The following AKAP17A variants were observed in gnomAD, a reference collection of about 807,000 sequenced individuals.
AKAP17A encodes the protein A-kinase anchoring protein 17A.
Under a neutral mutation model 52.2 loss-of-function variants are expected in AKAP17A, and 15 were observed. The observed-to-expected ratio is 0.29, with a 90% confidence interval of 0.19 to 0.44. The LOEUF (loss-of-function observed/expected upper bound fraction) is 0.44, where lower values mean the gene tolerates loss of function less well. AKAP17A is among the 20% of genes least tolerant of loss of function. The pLI is 1.00. For synonymous variants in AKAP17A, 514 were observed against 424.7 expected, an observed-to-expected ratio of 1.21 and a Z score of -2.58; for missense variants, 1,060 against 1,007.0, an observed-to-expected ratio of 1.05 and a Z score of -0.71.
Position 1,602,216 on chromosome X carries a change from T to G in AKAP17A, c.*622T>G. The G allele has an allele frequency of 6.6e-6, 1 of 152,396 alleles. No individual in the cohort carries two copies. Among genetic ancestry groups the G allele is most frequent in the South Asian group, 2.1e-4 (1 of 4,824 alleles). The allele number at this position is 152,396 out of a possible 1,614,324, so 9.4% of individuals were successfully genotyped here. On this transcript the variant is annotated 3_prime_UTR_variant, in exon 5 of 5. Transcript: ENST00000313871. ...GGAGTGGTACAAAATGGTCTGATGC[T>G]CCTTCAAAAACATTCACTTTTTACA...
At chrX:1,597,370 C>G (rs1378605448) in intron 3 of AKAP17A, among the ~76,000 whole-genome samples, 3 of 152,308 alleles carry the variant, frequency 2.0e-5, no homozygotes, top group Middle Eastern at 6.8e-3. Flanking sequence ...TCAGGATTCC[C>G]AGGACCTAAG....
chrX:1,595,883 C>T (rs773755429), intron 3 of AKAP17A, among the ~76,000 whole-genome samples: 42 of 152,056 alleles, frequency 2.8e-4, no homozygotes, highest in African/African-American at 6.0e-4. Context: ...TGTGTGCATG[C>T]GTGTGTGCCT....
At chrX:1,596,890 C>G (rs776299318) in intron 3 of AKAP17A, among the ~76,000 whole-genome samples, 1 of 142,902 alleles carries the variant, frequency 7.0e-6, no homozygotes, top group South Asian at 2.3e-4. Flanking sequence ...TCCTCCTTCT[C>G]CGTCCCTCCC....
At chrX:1,594,565 A>G (rs1164547960) in intron 2 of AKAP17A, among the ~76,000 whole-genome samples, 1 of 151,972 alleles carries the variant, frequency 6.6e-6, no homozygotes, top group African/African-American at 2.4e-5. Context: ...CCTTGAAACC[A>G]GGGCTGAACG....
intron 1 of AKAP17A, among the ~76,000 whole-genome samples, chrX:1,592,683 C>A (rs1385600560): frequency 6.6e-6 from 1 of 152,122 alleles, no homozygotes; most frequent in Non-Finnish European, 1.5e-5. Flanking sequence ...AGGCGGTCAC[C>A]TGAGATGGTT....
rs778144751 is a variant in AKAP17A at position 1,599,240 on chromosome X, G to A, written c.960G>A (p.Glu320=). ...EELERERKRE[E]KLRKREQKQR... Reference sequence around the variant, plus strand: ...TGGAGCGAGAGAGGAAAAGAGAAGAGAAGCTTCGCAAGAGGGAGCAGAAGC... The same window carrying A: ...TGGAGCGAGAGAGGAAAAGAGAAGAAAAGCTTCGCAAGAGGGAGCAGAAGC... The change falls in exon 4 of 5, where the codon GAG becomes GAA. Residue 320 remains glutamate, a synonymous_variant. Coordinates refer to ENST00000313871, the MANE Select transcript of AKAP17A (RefSeq NM_005088.3). The A allele has an allele frequency of 1.2e-4, 186 of 1,612,590 alleles. 1 individual carries two copies. The highest frequency in any genetic ancestry group is 2.6e-5 in the Non-Finnish European group (31 of 1,179,868).
rs1158751068 is a variant in AKAP17A, at chrX:1,593,519, T to C, written c.57T>C (p.Ala19=). Reference sequence around the variant, plus strand: ...CTGAGGCCGTGGAGCTCTGCCCTGCTTACGGCTTGTACCTGAAGCCCATCA... The same window carrying C: ...CTGAGGCCGTGGAGCTCTGCCCTGCCTACGGCTTGTACCTGAAGCCCATCA... ...DTSEAVELCP[A]YGLYLKPITK... is the part of the protein sequence containing the mutation. The change falls in exon 2 of 5, where the codon GCT becomes GCC. Residue 19 remains alanine, a synonymous_variant. Coordinates refer to ENST00000313871, the MANE Select transcript of AKAP17A (RefSeq NM_005088.3). 2 of 1,613,594 alleles carry C rather than the reference T, an allele frequency of 1.2e-6. No individual in the cohort carries two copies. Among genetic ancestry groups the C allele is most frequent in the Admixed American group, 1.7e-5 (1 of 59,992 alleles).
chrX:1,596,634 C>T (rs1933001804), intron 3 of AKAP17A, among the ~76,000 whole-genome samples: 1 of 99,562 alleles, frequency 1.0e-5, no homozygotes, highest in Non-Finnish European at 2.0e-5. Context: ...CCTCCTCCTC[C>T]TCCATCCCTC....
At chrX:1,593,145 G>A (rs1201420725) in intron 1 of AKAP17A, among the ~76,000 whole-genome samples, 2 of 152,130 alleles carry the variant, frequency 1.3e-5, no homozygotes, top group African/African-American at 4.8e-5. Context: ...TATTCTGCAG[G>A]CCTTGGGAGC....
In AKAP17A at chrX:1,595,523, C is replaced by T. The variant is rs183475344; in HGVS notation, c.902C>T (p.Ala301Val). 223 of 1,613,774 alleles carry T rather than the reference C, an allele frequency of 1.4e-4. No homozygotes were observed. Among genetic ancestry groups the T allele is most frequent in the East Asian group, 7.1e-4 (32 of 44,874 alleles). The change falls in exon 3 of 5, where the codon GCG becomes GTG. Residue 301 changes from alanine to valine, a missense_variant. This residue lies in a region of AKAP17A where 793 missense variants were observed against 629.9 expected (regional missense o/e 1.26). Transcript: ENST00000313871. ...REKEAEERQR[A>V]EERKQKELEE... ...AAGGAAGCGGAGGAGAGGCAGCGAG[C>T]GGAGGAAAGGTACCTTCTGCGGGAG...
chrX:1,600,107 G>C (rs1404245412), intron 4 of AKAP17A: 1 of 1,286,210 alleles, frequency 7.8e-7, no homozygotes, highest in Non-Finnish European at 1.0e-6. Flanking sequence ...TCCAACGCGG[G>C]GCGACCCCAT....
Position 1,593,699 on chromosome X carries a change from C to G in AKAP17A, c.237C>G (p.Phe79Leu). The G allele has an allele frequency of 6.2e-7, 1 of 1,613,938 alleles. No individual in the cohort carries two copies. The highest frequency in any genetic ancestry group is 8.5e-7 in the Non-Finnish European group (1 of 1,179,868). ...ISKSTMDFIR[F>L]EGEVENKSLV... ...AGAGCACCATGGACTTCATCCGCTT[C>G]GAGGGGGAGGTGGAGAACAAGAGCC... The change falls in exon 2 of 5, where the codon TTC (phenylalanine) becomes TTG (leucine). Residue 79 changes from phenylalanine to leucine, a missense_variant. Around this residue, in one of 2 missense-constraint regions of AKAP17A, gnomAD observed 267 missense variants for 377.1 expected, o/e 0.71. Transcript: ENST00000313871.
chrX:1,601,407 C>G lies in AKAP17A; in HGVS notation c.1901C>G (p.Pro634Arg), dbSNP rs765175097. 2.6e-6 allele frequency: 4 copies of G among 1,563,642 alleles called. No individual in the cohort carries two copies. Among genetic ancestry groups the G allele is most frequent in the Non-Finnish European group, 3.4e-6 (4 of 1,162,474 alleles). The change falls in exon 5 of 5, where the codon CCC becomes CGC. Residue 634 changes from proline (P) to arginine (R), a missense_variant. This residue lies in a region of AKAP17A where 793 missense variants were observed against 629.9 expected (regional missense o/e 1.26). Transcript: ENST00000313871. ...AAGCACGCCTACAAGGATGACAGCC[C>G]CCGCCGGCGCAGCACGAGCCCGGAC... ...HKKHAYKDDS[P>R]RRRSTSPDHT...
At position 1,601,671 on chromosome X, in the gene AKAP17A, C is replaced by T; in HGVS notation, c.*77C>T. 7.7e-7 allele frequency: 1 copy of T among 1,306,570 alleles called. No individual in the cohort carries two copies. The highest frequency in any genetic ancestry group is 9.9e-7 in the Non-Finnish European group (1 of 1,014,162). The allele number at this position is 1,306,570 out of a possible 1,614,324, so 80.9% of individuals were successfully genotyped here. ...GAGCCTCCTGGCCGCTCCTTGGCCG[C>T]TCTCCGTCCACCCCTGCAAAGCCAA... On this transcript the variant is annotated 3_prime_UTR_variant, in exon 5 of 5. Coordinates refer to ENST00000313871, the MANE Select transcript of AKAP17A (RefSeq NM_005088.3).
At chrX:1,597,419 G>A (rs180833340) in intron 3 of AKAP17A, among the ~76,000 whole-genome samples, 216 of 152,302 alleles carry the variant, frequency 1.4e-3, no homozygotes, top group African/African-American at 5.1e-3. Flanking sequence ...GGGAGGGAGG[G>A]ACATGCTGCT....
At position 1,597,869 on chromosome X, in the gene AKAP17A, C is replaced by T. The variant is rs144663539; in HGVS notation, c.912-1323C>T. On this transcript the variant is annotated intron_variant, in intron 3 of 4. Transcript: ENST00000313871. ...GGTTCTCGAGAGCAGGATGGGGTGT[C>T]CAGAGCCCCGGGGAGGGGCAGGCCT... is the stretch of plus-strand genomic sequence containing the variant. Among the ~76,000 whole-genome samples, 436 of 151,842 alleles carry T rather than the reference C, an allele frequency of 2.9e-3. 3 individuals are homozygous for T. Among genetic ancestry groups the T allele is most frequent in the Middle Eastern group, 3.4e-3 (1 of 292 alleles).
rs1246271463 is a variant in AKAP17A, at chrX:1,600,837, G to A, written c.1331G>A (p.Ser444Asn). Residue 444 changes from serine to asparagine, a missense_variant, in exon 5 of 5, where the codon AGC (serine) becomes AAC (asparagine). Ser to Asn is a conservative substitution (Grantham distance 46, BLOSUM62 1). Around this residue, in one of 2 missense-constraint regions of AKAP17A, gnomAD observed 793 missense variants for 629.9 expected, o/e 1.26. Coordinates refer to ENST00000313871, the MANE Select transcript of AKAP17A (RefSeq NM_005088.3). ...GAGCGGCTGCTGAGCATCCTGCTGA[G>A]CAAGAAGCCGGACGACAGCCACACA... The part of the protein sequence containing the change: ...LRERLLSILL[S>N]KKPDDSHTHD... 2 of 1,592,298 alleles carry A rather than the reference G, an allele frequency of 1.3e-6. No homozygotes were observed. The highest frequency in any genetic ancestry group is 1.7e-5 in the Admixed American group (1 of 57,450).
At position 1,593,881 on chromosome X, in the gene AKAP17A, C is replaced by T. The variant is rs1309018515; in HGVS notation, c.419C>T (p.Thr140Ile). ...FFRDAKDMNE[T>I]LPGERPDTIH... ...CGCGACGCCAAGGACATGAACGAGA[C>T]CCTGCCGGGGGAGCGGCCGGACACC... The change falls in exon 2 of 5, where the codon ACC (threonine) becomes ATC (isoleucine). Residue 140 changes from threonine (T) to isoleucine (I), a missense_variant. This residue lies in a region of AKAP17A where 267 missense variants were observed against 377.1 expected (regional missense o/e 0.71). Coordinates refer to ENST00000313871, the MANE Select transcript of AKAP17A (RefSeq NM_005088.3). 2 of 1,612,474 alleles carry T rather than the reference C, an allele frequency of 1.2e-6. No homozygotes were observed. Among genetic ancestry groups the T allele is most frequent in the Non-Finnish European group, 1.7e-6 (2 of 1,179,036 alleles).
rs1932925328 is a variant in AKAP17A at position 1,595,314 on chromosome X, A to C, written c.763-70A>C. 7.5e-6 allele frequency: 12 copies of C among 1,599,684 alleles called. No individual in the cohort carries two copies. In the Admixed American group the frequency reaches 2.0e-4, roughly 27 times the overall value. ...AGGCCACTCGGCCCTACGGCCCAGGAGAGGGCGCCTGGCCGTGTGTCTGGG... is the reference window on the plus strand; with the variant it reads ...AGGCCACTCGGCCCTACGGCCCAGGCGAGGGCGCCTGGCCGTGTGTCTGGG... On this transcript the variant is annotated intron_variant, in intron 2 of 4. Transcript: ENST00000313871.
Sources: gnomAD v4.1 joint callset for allele counts (sites outside exome capture counted in the v4.1 genomes callset) on GRCh38, gnomAD v4.1.1 for gene constraint, gnomAD v4.1.1 regional missense constraint, MANE v1.5 for transcripts, NCBI Gene and HGNC (gene_info 2026-07-23, HGNC 2026-07-21) for gene names.